VDAC1: variants seen among roughly 807,000 people sequenced by gnomAD.
VDAC1 encodes voltage dependent anion channel 1.
A neutral mutation model predicts 34.7 loss-of-function variants in VDAC1; 10 were observed. That is an observed-to-expected ratio of 0.29 (90% CI 0.18 to 0.49). The LOEUF is 0.49. Among genes scored for constraint, VDAC1 ranks in the 20% least tolerant of loss-of-function variants. The pLI is 0.99. For missense variants in VDAC1, 230 were observed against 347.9 expected (o/e 0.66, Z 2.69); for synonymous variants, 130 against 136.0 (o/e 0.96, Z 0.30).
chr5:134,048,426 C>T, the VDAC1 span, among the ~76,000 whole-genome samples: 1 of 152,098 alleles, frequency 6.6e-6, no homozygotes, highest in Admixed American at 6.6e-5. Context: ...ATTAGCACGC[C>T]TGGCTAACTT....
the VDAC1 span, among the ~76,000 whole-genome samples, chr5:134,011,551 A>G: frequency 6.6e-6 from 1 of 151,958 alleles, no homozygotes; most frequent in African/African-American, 2.4e-5. Flanking sequence ...AAGTGAGATC[A>G]TACAGATGTT....
the VDAC1 span, among the ~76,000 whole-genome samples, chr5:134,097,613 A>G: frequency 6.6e-6 from 1 of 152,166 alleles, no homozygotes; most frequent in Non-Finnish European, 1.5e-5. Flanking sequence ...GGTCATTTCA[A>G]TGGCTGGAAG....
At chr5:134,018,446 A>G in the VDAC1 span, among the ~76,000 whole-genome samples, 1 of 152,166 alleles carries the variant, frequency 6.6e-6, no homozygotes, top group Non-Finnish European at 1.5e-5. Context: ...TTTGGAGGAG[A>G]CACATATCCA....
chr5:134,064,589 C>A, the VDAC1 span, among the ~76,000 whole-genome samples: 2 of 152,090 alleles, frequency 1.3e-5, no homozygotes, highest in African/African-American at 4.8e-5. Context: ...CAAGTGTGAG[C>A]CGCTGGGCCT....
At chr5:134,084,300 C>G in the VDAC1 span, among the ~76,000 whole-genome samples, 2 of 152,164 alleles carry the variant, frequency 1.3e-5, no homozygotes, top group South Asian at 4.1e-4. Context: ...AGGGCCTCCT[C>G]CTCTGAAAGG....
chr5:133,986,543 T>G (rs149053815), intron 5 of VDAC1, among the ~76,000 whole-genome samples: 3 of 151,944 alleles, frequency 2.0e-5, no homozygotes, highest in Non-Finnish European at 2.9e-5. Context: ...ATTACAGGTG[T>G]GCGCCACCAC....
chr5:134,098,169 CTTATTATTATTATTATTATTATTATTA>C, the VDAC1 span, among the ~76,000 whole-genome samples: 1 of 146,868 alleles, frequency 6.8e-6, no homozygotes, highest in Non-Finnish European at 1.5e-5. Context: ...CCATGCCCTG[CTTATTATTATTATTATTATTATTATTA>C]TTATTATTAT....
chr5:134,078,222 G>A, the VDAC1 span, among the ~76,000 whole-genome samples: 1 of 152,208 alleles, frequency 6.6e-6, no homozygotes, highest in Non-Finnish European at 1.5e-5. Flanking sequence ...GGCTAGAGAT[G>A]CCCGTGGGAG....
chr5:134,095,126 C>T, the VDAC1 span, among the ~76,000 whole-genome samples: 17 of 152,234 alleles, frequency 1.1e-4, 1 homozygote, highest in Admixed American at 5.2e-4. Context: ...TTAAATAAAA[C>T]GGTTGTTTTC....
chr5:133,985,561 C>T (rs1049642612), intron 5 of VDAC1, among the ~76,000 whole-genome samples: 12 of 152,018 alleles, frequency 7.9e-5, no homozygotes, highest in African/African-American at 1.7e-4. Context: ...GGCTGAGGCA[C>T]GAGAATTGCT....
upstream of VDAC1, among the ~76,000 whole-genome samples, chr5:134,006,856 C>G (rs1753764226): frequency 6.6e-6 from 1 of 151,876 alleles, no homozygotes; most frequent in Non-Finnish European, 1.5e-5. Context: ...AGATTAACCA[C>G]TCACTTAGTG....
the VDAC1 span, among the ~76,000 whole-genome samples, chr5:134,070,758 T>C: frequency 3.3e-5 from 5 of 152,194 alleles, no homozygotes; most frequent in African/African-American, 1.2e-4. Context: ...TATTAGTTTA[T>C]TAGTGAATAT....
chr5:134,028,688 G>A, the VDAC1 span, among the ~76,000 whole-genome samples: 6 of 152,212 alleles, frequency 3.9e-5, no homozygotes, highest in East Asian at 1.9e-4. Flanking sequence ...TGGGATGACC[G>A]TCATTTCACA....
chr5:134,052,414 G>A, the VDAC1 span, among the ~76,000 whole-genome samples: 12 of 151,778 alleles, frequency 7.9e-5, no homozygotes, highest in Non-Finnish European at 1.3e-4. Flanking sequence ...CTGCAGCCTC[G>A]ACCTTGCAGG....
At chr5:134,010,690 C>A in the VDAC1 span, among the ~76,000 whole-genome samples, 1 of 152,066 alleles carries the variant, frequency 6.6e-6, no homozygotes, top group East Asian at 1.9e-4. Context: ...TTACTTCAAC[C>A]CCAACATTAA....
the VDAC1 span, among the ~76,000 whole-genome samples, chr5:134,071,457 C>T: frequency 4.6e-5 from 7 of 152,218 alleles, no homozygotes; most frequent in African/African-American, 1.2e-4. This position sits in a 1 kb window ranked among gnomAD's most constrained non-coding sequence, Gnocchi z 4.1. Flanking sequence ...CCCTTCTCCA[C>T]GCCTCCAACC....
chr5:134,074,096 AG>A, the VDAC1 span, among the ~76,000 whole-genome samples: 4 of 151,954 alleles, frequency 2.6e-5, no homozygotes, highest in African/African-American at 9.7e-5. Flanking sequence ...GCAGATCATG[AG>A]GTCAGGAGAT....
At chr5:134,032,124 C>CAAAAAAA in the VDAC1 span, among the ~76,000 whole-genome samples, 423 of 36,114 alleles carry the variant, frequency 0.012, 47 homozygotes, top group Non-Finnish European at 0.016. Flanking sequence ...CTCTGCCTCA[C>CAAAAAAA]AAAAAAAAAA....
the VDAC1 span, among the ~76,000 whole-genome samples, chr5:134,110,642 C>T: frequency 1.3e-5 from 2 of 152,260 alleles, no homozygotes; most frequent in African/African-American, 2.4e-5. Context: ...GCCAGCAGCC[C>T]AGCCTCCCGG....
Sources: allele counts gnomAD v4.1 joint callset (sites outside exome capture counted in the v4.1 genomes callset), GRCh38; gene constraint gnomAD v4.1.1; non-coding constraint Gnocchi (gnomAD v3.1); transcripts MANE v1.5; gene names NCBI Gene and HGNC (gene_info 2026-07-23, HGNC 2026-07-21).